Variants in TFEC observed in about 807,000 individuals in gnomAD.
The protein encoded by TFEC is transcription factor EC, also known as class E basic helix-loop-helix protein 34.
Under a neutral mutation model 41.6 loss-of-function variants are expected in TFEC, and 31 were observed. The observed-to-expected ratio is 0.74, with a 90% CI of 0.56 to 1.01. The LOEUF is 1.01. Ranked by LOEUF, TFEC falls within the 50% of genes least tolerant of loss-of-function variation. TFEC has a pLI of 0.00. For synonymous variants in TFEC, 143 were observed against 140.6 expected, an observed-to-expected ratio of 1.02 and a Z score of -0.12; for missense variants, 402 against 404.1, an observed-to-expected ratio of 0.99 and a Z score of 0.04.
chr7:116,154,020 G>C (rs113480087), intron 1 of TFEC, among the ~76,000 whole-genome samples: 2 of 152,176 alleles, frequency 1.3e-5, no homozygotes, highest in African/African-American at 4.8e-5. Flanking sequence ...ATTGTAAGGA[G>C]AGAAGAGTGT....
At chr7:115,989,785 C>G (rs1794024964) in intron 1 of TFEC, among the ~76,000 whole-genome samples, 1 of 152,184 alleles carries the variant, frequency 6.6e-6, no homozygotes, top group African/African-American at 2.4e-5. Context: ...CCTCTGTAGA[C>G]TCCACCTCTA....
intron 1 of TFEC, among the ~76,000 whole-genome samples, chr7:115,998,859 GAGA>G (rs1794473953): frequency 6.6e-6 from 1 of 151,588 alleles, no homozygotes; most frequent in Admixed American, 6.6e-5. Flanking sequence ...TAAAGAGAGA[GAGA>G]GCAACCCCAA....
rs1793194599 is a variant in TFEC, at chr7:115,935,679, T to C, written c.*4872A>G. ...TACCAGCTTTAGCACAAGAACAAAA[T>C]TTATATTCTATGGAAAAAATACAGT... is the stretch of plus-strand genomic sequence containing the variant. On this transcript the variant is annotated 3_prime_UTR_variant, in exon 8 of 8. Coordinates refer to ENST00000265440, the MANE Select transcript of TFEC (RefSeq NM_012252.4). 6.6e-6 allele frequency: 1 copy of C among 151,608 alleles called. No homozygotes were observed. Among genetic ancestry groups the C allele is most frequent in the Non-Finnish European group, 1.5e-5 (1 of 67,614 alleles). The allele number at this position is 151,608 out of a possible 1,614,324, so 9.4% of individuals were successfully genotyped here. A position where few individuals can be genotyped will look rare whatever the true frequency, so the allele number is the denominator to read the frequency against.
intron 1 of TFEC, among the ~76,000 whole-genome samples, chr7:115,985,068 A>G (rs1046891018): frequency 6.6e-6 from 1 of 151,296 alleles, no homozygotes; most frequent in Non-Finnish European, 1.5e-5. Flanking sequence ...CCCTATTTCT[A>G]TCCTGAGCCC....
At chr7:115,965,162 C>T (rs1325721304) in intron 3 of TFEC, among the ~76,000 whole-genome samples, 1 of 151,656 alleles carries the variant, frequency 6.6e-6, no homozygotes, top group African/African-American at 2.4e-5. Context: ...GTATGTGTTT[C>T]ATAAACTTTT....
chr7:115,945,807 A>C (rs1314377611), intron 6 of TFEC, among the ~76,000 whole-genome samples: 1 of 151,754 alleles, frequency 6.6e-6, no homozygotes, highest in East Asian at 2.0e-4. Context: ...GACCAAGGGT[A>C]GACAAACTAC....
intron 1 of TFEC, among the ~76,000 whole-genome samples, chr7:116,137,664 A>G (rs909086733): frequency 6.6e-6 from 1 of 152,094 alleles, no homozygotes; most frequent in Non-Finnish European, 1.5e-5. Flanking sequence ...AATTCCCCCA[A>G]ACATTAAGAA....
intron 1 of TFEC, among the ~76,000 whole-genome samples, chr7:115,992,280 C>T (rs1323025866): frequency 6.6e-6 from 1 of 152,158 alleles, no homozygotes; most frequent in South Asian, 2.1e-4. Flanking sequence ...GACACGCTAA[C>T]ATCACAATTA....
At chr7:115,990,234 T>A (rs888805736) in intron 1 of TFEC, among the ~76,000 whole-genome samples, 1 of 152,068 alleles carries the variant, frequency 6.6e-6, no homozygotes, top group African/African-American at 2.4e-5. Context: ...TATGCCACCA[T>A]CATCAAAGAC....
At chr7:115,962,611 T>C (rs1044896270) in intron 3 of TFEC, among the ~76,000 whole-genome samples, 5 of 151,800 alleles carry the variant, frequency 3.3e-5, no homozygotes, top group Non-Finnish European at 7.4e-5. Flanking sequence ...TTTCAACAAA[T>C]GGTGTTGGAA....
intron 6 of TFEC, among the ~76,000 whole-genome samples, chr7:115,945,783 A>T (rs1291824231): frequency 6.6e-6 from 1 of 151,728 alleles, no homozygotes; most frequent in African/African-American, 2.4e-5. Flanking sequence ...CATAAATTGA[A>T]TTTTCATATT....
chr7:115,941,778 C>G (rs1793515798), intron 7 of TFEC, 115 bp downstream of exon 7: 2 of 1,402,744 alleles, frequency 1.4e-6, no homozygotes, highest in Non-Finnish European at 1.9e-6. Flanking sequence ...AATTATCCTT[C>G]AAAAGGAAAA....
chr7:116,126,102 A>C (rs1432948540), intron 1 of TFEC, among the ~76,000 whole-genome samples: 1 of 152,188 alleles, frequency 6.6e-6, no homozygotes, highest in Non-Finnish European at 1.5e-5. Flanking sequence ...TGGAGAATTT[A>C]AGCCAAGCAG....
chr7:116,146,838 A>G (rs1798651058), intron 1 of TFEC, among the ~76,000 whole-genome samples: 1 of 152,194 alleles, frequency 6.6e-6, no homozygotes, highest in South Asian at 2.1e-4. Context: ...TACCTGATAT[A>G]TTTAAATAAA....
At chr7:116,012,653 C>T (rs971623813) in intron 1 of TFEC, among the ~76,000 whole-genome samples, 1 of 151,930 alleles carries the variant, frequency 6.6e-6, no homozygotes, top group Admixed American at 6.6e-5. Flanking sequence ...GTTGCAAATA[C>T]AGTATATTTA....
intron 1 of TFEC, among the ~76,000 whole-genome samples, chr7:116,027,157 C>A (rs991744895): frequency 4.6e-5 from 7 of 152,136 alleles, no homozygotes; most frequent in African/African-American, 1.7e-4. Flanking sequence ...GGGATAAATA[C>A]CTGTCTATAG....
At chr7:116,124,595 A>C (rs1798174069) in intron 1 of TFEC, among the ~76,000 whole-genome samples, 1 of 152,202 alleles carries the variant, frequency 6.6e-6, no homozygotes, top group African/African-American at 2.4e-5. Flanking sequence ...TGTGAACTTG[A>C]AAAATCTCAT....
chr7:115,970,679 T>C (rs1793093309), intron 3 of TFEC, among the ~76,000 whole-genome samples: 1 of 152,036 alleles, frequency 6.6e-6, no homozygotes, highest in South Asian at 2.1e-4. Context: ...ACACAAATGG[T>C]AGGGCTAGCT....
chr7:116,039,367 A>G (rs1795980208), intron 3 of TFEC, among the ~76,000 whole-genome samples: 1 of 151,432 alleles, frequency 6.6e-6, no homozygotes, highest in South Asian at 2.1e-4. Context: ...GTTGAAGATG[A>G]TAATAACTTT....
Sources: gnomAD v4.1 joint callset for allele counts (sites outside exome capture counted in the v4.1 genomes callset) on GRCh38, gnomAD v4.1.1 for gene constraint, MANE v1.5 for transcripts, NCBI Gene and HGNC (gene_info 2026-07-23, HGNC 2026-07-21) for gene names.